The following PPARD variants were observed in gnomAD, a reference collection of about 807,000 sequenced individuals.
The protein encoded by PPARD is peroxisome proliferator-activated receptor delta.
In PPARD, 6 loss-of-function variants were observed where a neutral mutation model predicts 39.5. The observed-to-expected ratio is 0.15, with a 90% CI of 0.08 to 0.30. PPARD has a LOEUF of 0.30. Ranked by LOEUF, PPARD falls within the 10% of genes least tolerant of loss-of-function variation. PPARD has a pLI of 1.00. For missense variants in PPARD, 397 were observed against 596.8 expected, an observed-to-expected ratio of 0.67 and a Z score of 3.49; for synonymous variants, 210 against 231.3, an observed-to-expected ratio of 0.91 and a Z score of 0.83.
At chr6:35,383,243 C>T (rs1480813325) in intron 2 of PPARD, among the ~76,000 whole-genome samples, 1 of 152,088 alleles carries the variant, frequency 6.6e-6, no homozygotes, top group Admixed American at 6.6e-5. Context: ...GTGGGAAGCA[C>T]TAGAGGTGGA....
In PPARD at chr6:35,420,257, T is replaced by C. The variant is rs1284906759; in HGVS notation, c.261T>C (p.Gly87=). 3.8e-6 allele frequency: 6 copies of C among 1,589,662 alleles called. No individual in the cohort carries two copies. In the East Asian group the frequency reaches 1.1e-4, roughly 30 times the overall value. The change falls in exon 4 of 8, where the codon GGT becomes GGC. Residue 87 remains glycine, a synonymous_variant. Transcript: ENST00000360694. The part of the protein sequence containing the change: ...CGDKASGFHY[G]VHACEGCKGF... ...ACAAGGCATCGGGCTTCCACTACGG[T>C]GTTCATGCATGTGAGGGGTGCAAGG...
chr6:35,403,432 G>GCGAAGGAGAGAAGGTTTTAGCTA, intron 2 of PPARD, among the ~76,000 whole-genome samples: 8 of 152,256 alleles, frequency 5.3e-5, no homozygotes, highest in African/African-American at 1.9e-4. Context: ...GACTGAAGCC[G>GCGAAGGAGAGAAGGTTTTAGCTA]GTGGAATTCA....
rs895770904 is a variant in PPARD at position 35,403,598 on chromosome 6, G to A, written c.-101-7389G>A. Among the ~76,000 whole-genome samples the A allele has an allele frequency of 5.9e-5, 9 of 152,170 alleles. No individual in the cohort carries two copies. In the East Asian group the frequency reaches 7.7e-4, roughly 13 times the overall value. ...GAGGACCCACTAAATGCCAGGCACCGTGCCAGGTGCTGGGACCTACCTCAG... is the reference window on the plus strand; with the variant it reads ...GAGGACCCACTAAATGCCAGGCACCATGCCAGGTGCTGGGACCTACCTCAG... On this transcript the variant is annotated intron_variant, in intron 2 of 7. Transcript: ENST00000360694.
chr6:35,354,654 T>C (rs1562169976), intron 2 of PPARD, among the ~76,000 whole-genome samples: 2 of 152,182 alleles, frequency 1.3e-5, no homozygotes, highest in African/African-American at 4.8e-5. Context: ...TTACATGAGA[T>C]ATTCAAAATT....
chr6:35,371,144 C>T (rs2150538287), intron 2 of PPARD, among the ~76,000 whole-genome samples: 1 of 152,312 alleles, frequency 6.6e-6, no homozygotes, highest in African/African-American at 2.4e-5. Context: ...ATTATTACTT[C>T]AGCGGTTGCC....
intron 2 of PPARD, among the ~76,000 whole-genome samples, chr6:35,355,198 A>G (rs7758272): frequency 0.095 from 14,464 of 151,954 alleles, 1,255 homozygotes; most frequent in African/African-American, 0.23. Context: ...TTTTTCATTG[A>G]AGTCCTGTCT....
At chr6:35,391,518 G>C (rs1764002030) in intron 2 of PPARD, among the ~76,000 whole-genome samples, 1 of 152,240 alleles carries the variant, frequency 6.6e-6, no homozygotes, top group Non-Finnish European at 1.5e-5. Flanking sequence ...CCTAGTAAAA[G>C]TGATGCTAAC....
chr6:35,426,395 A>AC lies in PPARD; in HGVS notation c.*322dup. On this transcript the variant is annotated 3_prime_UTR_variant, in exon 8 of 8. Coordinates refer to ENST00000360694, the MANE Select transcript of PPARD (RefSeq NM_006238.5). ...TCCCTTGCCCTCCCTTTCTCTCTCC[A>AC]CCCCCCACGTCTGTCCTCCTTTCTT... The AC allele has an allele frequency of 2.6e-6, 1 of 389,670 alleles. No individual in the cohort carries two copies. 24.1% of individuals were successfully genotyped at this position (389,670 alleles called of 1,614,324 possible). A position where few individuals can be genotyped will look rare whatever the true frequency, so the allele number is the denominator to read the frequency against.
At chr6:35,417,809 C>T (rs757971465) in intron 3 of PPARD, among the ~76,000 whole-genome samples, 2 of 152,218 alleles carry the variant, frequency 1.3e-5, no homozygotes, top group African/African-American at 4.8e-5. Context: ...GGATTACAGG[C>T]GTGAGCCACC....
chr6:35,421,753 G>T, intron 4 of PPARD, 67 bp from the exon 5 acceptor site: 3 of 1,502,016 alleles, frequency 2.0e-6, no homozygotes, highest in East Asian at 2.3e-5. Flanking sequence ...ATACATAATC[G>T]GGCCCTTTGG....
At chr6:35,386,337 TTC>T (rs1295201815) in intron 2 of PPARD, among the ~76,000 whole-genome samples, 5 of 147,950 alleles carry the variant, frequency 3.4e-5, no homozygotes, top group Non-Finnish European at 4.5e-5. Context: ...TTTTTTTTTT[TTC>T]AGTGAGCCAG....
intron 2 of PPARD, among the ~76,000 whole-genome samples, chr6:35,380,208 A>G (rs1162121024): frequency 6.6e-6 from 1 of 152,236 alleles, no homozygotes; most frequent in African/African-American, 2.4e-5. Context: ...AGTCTCAGAC[A>G]GTTGTGGAAG....
intron 3 of PPARD, among the ~76,000 whole-genome samples, chr6:35,416,975 ATTTG>A (rs1157560159): frequency 6.8e-6 from 1 of 147,836 alleles, no homozygotes; most frequent in Non-Finnish European, 1.5e-5. Flanking sequence ...TTGTTTATTT[ATTTG>A]TTTATTTATT....
intron 2 of PPARD, among the ~76,000 whole-genome samples, chr6:35,364,845 G>T (rs1317847782): frequency 6.6e-6 from 1 of 151,936 alleles, no homozygotes; most frequent in Non-Finnish European, 1.5e-5. Flanking sequence ...GAGTAGCTGG[G>T]ACTACAGGCG....
At chr6:35,347,024 G>A (rs200644243) in intron 1 of PPARD, 43 bp from the exon 2 acceptor site, 1 of 1,305,658 alleles carries the variant, frequency 7.7e-7, no homozygotes, top group Non-Finnish European at 1.1e-6. Context: ...AGGGCCCCTG[G>A]CACCTGTCAG....
At chr6:35,356,711 A>C (rs927690053) in intron 2 of PPARD, among the ~76,000 whole-genome samples, 6 of 152,084 alleles carry the variant, frequency 3.9e-5, no homozygotes, top group African/African-American at 1.4e-4. Context: ...GTAAAACCCA[A>C]ATGTCTGCGG....
At position 35,394,224 on chromosome 6, in the gene PPARD, G is replaced by A. The variant is rs370287643; in HGVS notation, c.-101-16763G>A. 5.3e-5 allele frequency among the ~76,000 whole-genome samples: 8 copies of A among 152,146 alleles called. No individual in the cohort carries two copies. In the East Asian group the frequency reaches 5.8e-4, roughly 11 times the overall value. ...GTCTTAAACAAAATGAGTGTGTCGCGGATGCGCAGCTCGGCCACTTCCTGT... is the reference window on the plus strand; with the variant it reads ...GTCTTAAACAAAATGAGTGTGTCGCAGATGCGCAGCTCGGCCACTTCCTGT... On this transcript the variant is annotated intron_variant, in intron 2 of 7. Transcript: ENST00000360694.
intron 2 of PPARD, among the ~76,000 whole-genome samples, chr6:35,349,447 C>G (rs1253127861): frequency 6.6e-6 from 1 of 152,210 alleles, no homozygotes; most frequent in Non-Finnish European, 1.5e-5. Context: ...ATAAAATACA[C>G]TAACACTAAC....
At chr6:35,385,728 G>A (rs987526810) in intron 2 of PPARD, among the ~76,000 whole-genome samples, 3 of 151,532 alleles carry the variant, frequency 2.0e-5, no homozygotes, top group African/African-American at 7.3e-5. Flanking sequence ...ATAATTGACT[G>A]TGTTTTGAAC....
Sources: gnomAD v4.1 joint callset for allele counts (sites outside exome capture counted in the v4.1 genomes callset) on GRCh38, gnomAD v4.1.1 for gene constraint, MANE v1.5 for transcripts, NCBI Gene and HGNC (gene_info 2026-07-23, HGNC 2026-07-21) for gene names.